The following FGD5 variants were observed in gnomAD, a reference collection of about 807,000 sequenced individuals.
FGD5 encodes the protein FYVE, RhoGEF and PH domain-containing protein 5.
A neutral mutation model predicts 133.4 loss-of-function variants in FGD5; 28 were observed. The observed-to-expected ratio is 0.21, with a 90% CI of 0.16 to 0.29. The LOEUF is 0.29. Ranked by LOEUF, FGD5 falls within the 10% of genes least tolerant of loss-of-function variation. The probability of loss-of-function intolerance (pLI) is 1.00; values close to 1 mark genes in which losing one functional copy is unlikely to be tolerated. For synonymous variants in FGD5, 810 were observed against 776.5 expected (o/e 1.04, Z -0.72); for missense variants, 1,858 against 1,895.2 (o/e 0.98, Z 0.36).
At chr3:14,831,754 G>T (rs531914603) in intron 1 of FGD5, among the ~76,000 whole-genome samples, 3 of 152,218 alleles carry the variant, frequency 2.0e-5, no homozygotes, top group African/African-American at 7.2e-5. Flanking sequence ...GGTGGGAGGT[G>T]CCAAGATCAG....
chr3:14,836,665 G>T (rs2125081662), intron 1 of FGD5, among the ~76,000 whole-genome samples: 1 of 152,308 alleles, frequency 6.6e-6, no homozygotes, highest in East Asian at 1.9e-4. Context: ...GAGGCCAAGA[G>T]GGGAAGAGAG....
chr3:14,828,023 A>G (rs1198559265), intron 1 of FGD5, among the ~76,000 whole-genome samples: 1 of 152,196 alleles, frequency 6.6e-6, no homozygotes, highest in Non-Finnish European at 1.5e-5. Flanking sequence ...CAGCATGCGT[A>G]TGAGGAGAGG....
intron 1 of FGD5, among the ~76,000 whole-genome samples, chr3:14,812,238 CG>C (rs2036306770): frequency 1.3e-5 from 2 of 152,040 alleles, no homozygotes; most frequent in South Asian, 4.1e-4. Flanking sequence ...GGAGCAGGAT[CG>C]GGGGTGCCAC....
Position 14,907,679 on chromosome 3 carries a change from C to T in FGD5, c.3304C>T (p.Arg1102Trp), listed in dbSNP as rs770097669. The stretch of plus-strand genomic sequence containing the variant: ...GCTGGTCCACATTGAGCACAGCGTC[C>T]GGGGCCAAGGGGATCTCCTCCAGCC... Reference protein sequence around the residue: ...QKLVHIEHSVRGQGDLLQPGR... With the variant: ...QKLVHIEHSVWGQGDLLQPGR... Residue 1102 changes from arginine (R) to tryptophan (W), a missense_variant, in exon 10 of 20, where the codon CGG becomes TGG. Transcript: ENST00000285046. 59 of 1,613,636 alleles carry T rather than the reference C, an allele frequency of 3.7e-5. No individual in the cohort carries two copies. The highest frequency in any genetic ancestry group is 5.5e-5 in the South Asian group (5 of 91,048).
chr3:14,829,202 G>A (rs1336561653), intron 1 of FGD5, among the ~76,000 whole-genome samples: 1 of 152,106 alleles, frequency 6.6e-6, no homozygotes, highest in Non-Finnish European at 1.5e-5. Context: ...TGTTCAGCTG[G>A]AGCTTAGGTG....
intron 18 of FGD5, among the ~76,000 whole-genome samples, chr3:14,929,559 G>C (rs1268344128): frequency 6.6e-6 from 1 of 152,132 alleles, no homozygotes; most frequent in Non-Finnish European, 1.5e-5. Flanking sequence ...GGAGTGTTGA[G>C]GTAACTCAAT....
In FGD5 at chr3:14,819,076, T is replaced by A. The variant is rs1208114676; in HGVS notation, c.5T>A (p.Phe2Tyr). 6.5e-7 allele frequency: 1 copy of A among 1,547,718 alleles called. No homozygotes were observed. The change falls in exon 1 of 20, where the codon TTC becomes TAC. Residue 2 changes from phenylalanine (F) to tyrosine (Y), a missense_variant. Physicochemically the swap from Phe to Tyr is conservative, Grantham distance 22. Coordinates refer to ENST00000285046, the MANE Select transcript of FGD5 (RefSeq NM_152536.4). The surrounding 1 kb of genome is among the most constrained non-coding windows in gnomAD (Gnocchi z 4.1). ...AGTCTTCACAGTCCAAACTCCATGTTCAGGGGTCCGAAGCCCCCCATTGCC... is the reference window on the plus strand; with the variant it reads ...AGTCTTCACAGTCCAAACTCCATGTACAGGGGTCCGAAGCCCCCCATTGCC... MFRGPKPPIAPK... is the reference protein window; with the variant it reads MYRGPKPPIAPK...
intron 9 of FGD5, among the ~76,000 whole-genome samples, chr3:14,903,858 T>G (rs939984533): frequency 6.6e-6 from 1 of 152,208 alleles, no homozygotes; most frequent in African/African-American, 2.4e-5. Context: ...ACATGCTGTT[T>G]AGTGGTCCTG....
In FGD5 at chr3:14,933,305, C is replaced by T; in HGVS notation, c.*138C>T. Reference sequence around the variant, plus strand: ...GCCTGACCTTTTTTGCTATAACCGCCCCACCACTCCCCTGCCCTTGCCAAC... The same window carrying T: ...GCCTGACCTTTTTTGCTATAACCGCTCCACCACTCCCCTGCCCTTGCCAAC... On this transcript the variant is annotated 3_prime_UTR_variant, in exon 20 of 20. Transcript: ENST00000285046. The T allele has an allele frequency of 2.4e-6, 2 of 822,834 alleles. No individual in the cohort carries two copies. Among genetic ancestry groups the T allele is most frequent in the Admixed American group, 2.0e-5 (1 of 49,540 alleles). 51.0% of individuals were successfully genotyped at this position (822,834 alleles called of 1,614,324 possible).
At chr3:14,824,526 G>A (rs2125071809) in intron 1 of FGD5, among the ~76,000 whole-genome samples, 1 of 152,338 alleles carries the variant, frequency 6.6e-6, no homozygotes, top group South Asian at 2.1e-4. Flanking sequence ...TGAAGGGCAG[G>A]TCAGTGCTCC....
At position 14,880,507 on chromosome 3, in the gene FGD5, C is replaced by T. The variant is rs377367397; in HGVS notation, c.2659-65C>T. 5.0e-4 allele frequency: 760 copies of T among 1,519,876 alleles called. 1 individual carries two copies. Among genetic ancestry groups the T allele is most frequent in the Non-Finnish European group, 4.6e-4 (507 of 1,108,722 alleles). 94.1% of individuals were successfully genotyped at this position (1,519,876 alleles called of 1,614,324 possible). ...AATGCTTGGAACTTGCCTCCAGCAGCATGGTGGCCTCCTCTAGAAACCACT... is the reference window on the plus strand; with the variant it reads ...AATGCTTGGAACTTGCCTCCAGCAGTATGGTGGCCTCCTCTAGAAACCACT... On this transcript the variant is annotated intron_variant, in intron 2 of 19. Coordinates refer to ENST00000285046, the MANE Select transcript of FGD5 (RefSeq NM_152536.4).
At chr3:14,817,475 T>C (rs1559465072), upstream of FGD5, among the ~76,000 whole-genome samples, 1 of 152,214 alleles carries the variant, frequency 6.6e-6, no homozygotes, top group Non-Finnish European at 1.5e-5. Flanking sequence ...GGATTACATG[T>C]GTGAGCCACT....
chr3:14,851,520 C>A (rs1357115034), intron 1 of FGD5, among the ~76,000 whole-genome samples: 2 of 152,216 alleles, frequency 1.3e-5, no homozygotes, highest in African/African-American at 4.8e-5. Context: ...AACAGTGTGG[C>A]AGAAATGCTG....
chr3:14,927,242 G>A lies in FGD5; in HGVS notation c.4197+1044G>A, dbSNP rs112220040. On this transcript the variant is annotated intron_variant, in intron 18 of 19. Transcript: ENST00000285046. ...GAGGGGCCTTTGCCTGTGTCCACAG[G>A]TGGGGTCTTCCACACTGTGGGGGAT... Among the ~76,000 whole-genome samples, 1,122 of 152,338 alleles carry A rather than the reference G, an allele frequency of 7.4e-3. 19 individuals carry two copies. Among genetic ancestry groups the A allele is most frequent in the African/African-American group, 0.026 (1,077 of 41,570 alleles).
chr3:14,821,373 A>G lies in FGD5; in HGVS notation c.2302A>G (p.Ser768Gly), dbSNP rs1468981629. The change falls in exon 1 of 20, where the codon AGC becomes GGC. Residue 768 changes from serine to glycine, a missense_variant. Transcript: ENST00000285046. ...CAAGCCACGGTCCATCTCCTTCCCCAGCGCTGACACTTCAGACTATGAGAA... is the reference window on the plus strand; with the variant it reads ...CAAGCCACGGTCCATCTCCTTCCCCGGCGCTGACACTTCAGACTATGAGAA... ...LTKPRSISFP[S>G]ADTSDYENIP... is the part of the protein sequence containing the mutation. 8 of 1,613,824 alleles carry G rather than the reference A, an allele frequency of 5.0e-6. No individual in the cohort carries two copies. The highest frequency in any genetic ancestry group is 1.7e-5 in the Admixed American group (1 of 59,998).
upstream of FGD5, among the ~76,000 whole-genome samples, chr3:14,816,948 G>C (rs973488748): frequency 6.6e-6 from 1 of 152,204 alleles, no homozygotes; most frequent in Non-Finnish European, 1.5e-5. Context: ...GTCCCATGGA[G>C]ATGTCTAAAA....
At chr3:14,925,114 A>G (rs1368104257) in intron 17 of FGD5, among the ~76,000 whole-genome samples, 2 of 151,058 alleles carry the variant, frequency 1.3e-5, no homozygotes, top group African/African-American at 4.9e-5. Context: ...AAAAAAAAAA[A>G]AAAAAAAAAA....
At chr3:14,818,945 T>C, upstream of FGD5, 2 of 1,439,970 alleles carry the variant, frequency 1.4e-6, no homozygotes, top group East Asian at 5.1e-5. Context: ...TTCTCTATTT[T>C]TGTCATCTAG....
chr3:14,902,780 T>C lies in FGD5; in HGVS notation c.3264+1719T>C, dbSNP rs2038266500. ...GAATAGCAGCAGATGGGCTGGGTTCTCCACATTTCCCTTTAGCCGGGGCTG... is the reference window on the plus strand; with the variant it reads ...GAATAGCAGCAGATGGGCTGGGTTCCCCACATTTCCCTTTAGCCGGGGCTG... On this transcript the variant is annotated intron_variant, in intron 9 of 19. Coordinates refer to ENST00000285046, the MANE Select transcript of FGD5 (RefSeq NM_152536.4). 2.0e-5 allele frequency among the ~76,000 whole-genome samples: 3 copies of C among 152,172 alleles called. No homozygotes were observed. The South Asian group carries it at 6.2e-4, about 32-fold the overall frequency.
Sources: allele counts gnomAD v4.1 joint callset (sites outside exome capture counted in the v4.1 genomes callset), GRCh38; gene constraint gnomAD v4.1.1; non-coding constraint Gnocchi (gnomAD v3.1); transcripts MANE v1.5; gene names NCBI Gene and HGNC (gene_info 2026-07-23, HGNC 2026-07-21).